CHCHD6: variants seen among roughly 807,000 people sequenced by gnomAD.
The protein encoded by CHCHD6 is coiled-coil-helix-coiled-coil-helix domain containing 6.
CHCHD6 carries 28 observed loss-of-function variants against 32.3 expected under a neutral mutation model. That is an observed-to-expected ratio of 0.87 (90% CI 0.64 to 1.19). The LOEUF (loss-of-function observed/expected upper bound fraction) is 1.19. CHCHD6 is among the 50% of genes most tolerant of loss of function. The pLI is 0.00. For synonymous variants in CHCHD6, 122 were observed against 117.5 expected, an observed-to-expected ratio of 1.04 and a Z score of -0.25; for missense variants, 333 against 307.0, an observed-to-expected ratio of 1.08 and a Z score of -0.63.
chr3:126,704,537 G>A, intron 1 of CHCHD6, 138 bp downstream of exon 1: 1 of 515,252 alleles, frequency 1.9e-6, no homozygotes, highest in Non-Finnish European at 3.2e-6. Flanking sequence ...CTCAGGCCAG[G>A]AAGAGGCTGA....
chr3:126,938,772 T>C (rs2078518611), intron 6 of CHCHD6, among the ~76,000 whole-genome samples: 1 of 143,116 alleles, frequency 7.0e-6, no homozygotes, highest in South Asian at 2.4e-4. Context: ...GAGGGGGCTG[T>C]GTGGCTCCCA....
In CHCHD6 at chr3:126,938,466, T is replaced by C. The variant is rs181509294; in HGVS notation, c.567-18950T>C. Among the ~76,000 whole-genome samples the C allele has an allele frequency of 2.0e-5, 3 of 152,362 alleles. No individual in the cohort carries two copies. In the East Asian group the frequency reaches 5.8e-4, roughly 29 times the overall value. ...CGCAGTAAGCAGAGTGCCTGGCATG[T>C]AATCAGGATTCGATAAATGGTAGCT... is the stretch of plus-strand genomic sequence containing the variant. On this transcript the variant is annotated intron_variant, in intron 6 of 7. Coordinates refer to ENST00000290913, the MANE Select transcript of CHCHD6 (RefSeq NM_032343.3).
At chr3:126,862,258 T>A (rs1226399534) in intron 5 of CHCHD6, among the ~76,000 whole-genome samples, 269 of 46,006 alleles carry the variant, frequency 5.8e-3, no homozygotes, top group Middle Eastern at 0.053. Context: ...CTCCTCCTCC[T>A]CCATCACCTC....
chr3:126,934,611 C>T (rs2078452724), intron 6 of CHCHD6, among the ~76,000 whole-genome samples: 1 of 125,488 alleles, frequency 8.0e-6, no homozygotes, highest in South Asian at 2.8e-4. Context: ...TGCAGTGGCA[C>T]AATCTCGGCT....
rs1421634165 is a variant in CHCHD6, at chr3:126,841,805, C to CTAGAG, written c.412-10839_412-10838insAGTAG. Reference sequence around the variant, plus strand: ...TGGCATGTGCCTGTGATCCCAGCTACTAGGAGGCTGAGGTGGGAAGATTGC... The same window carrying CTAGAG: ...TGGCATGTGCCTGTGATCCCAGCTACTAGAGTAGGAGGCTGAGGTGGGAAGATTGC... On this transcript the variant is annotated intron_variant, in intron 4 of 7. Transcript: ENST00000290913. Among the ~76,000 whole-genome samples the CTAGAG allele has an allele frequency of 9.2e-5, 14 of 151,980 alleles. 1 individual carries two copies. Among genetic ancestry groups the CTAGAG allele is most frequent in the Admixed American group, 9.2e-4 (14 of 15,254 alleles).
intron 6 of CHCHD6, among the ~76,000 whole-genome samples, chr3:126,924,686 G>C (rs759754649): frequency 6.6e-6 from 1 of 152,238 alleles, no homozygotes; most frequent in East Asian, 1.9e-4. Context: ...TCCTTTCCTC[G>C]TGAACTTGAG....
At chr3:126,796,414 G>A (rs897624365) in intron 4 of CHCHD6, among the ~76,000 whole-genome samples, 2 of 152,050 alleles carry the variant, frequency 1.3e-5, no homozygotes, top group Admixed American at 6.6e-5. Flanking sequence ...TTTTCCCCCC[G>A]GGATTGCCTG....
chr3:126,737,535 A>G (rs1174486226), intron 4 of CHCHD6, among the ~76,000 whole-genome samples: 2 of 151,988 alleles, frequency 1.3e-5, no homozygotes, highest in African/African-American at 4.8e-5. Flanking sequence ...TGTGTTTATT[A>G]GGAGAATTAA....
At chr3:126,787,787 T>C (rs1938298341) in intron 4 of CHCHD6, among the ~76,000 whole-genome samples, 1 of 152,204 alleles carries the variant, frequency 6.6e-6, no homozygotes, top group Non-Finnish European at 1.5e-5. Flanking sequence ...ACAGTTTGAC[T>C]TCCTCTTTTC....
At chr3:126,714,076 CAAAAAAA>C (rs1157910763) in intron 1 of CHCHD6, among the ~76,000 whole-genome samples, 24 of 28,880 alleles carry the variant, frequency 8.3e-4, no homozygotes, top group Admixed American at 3.1e-3. Flanking sequence ...GACTGCATCT[CAAAAAAA>C]AAAAAAAAAA....
At chr3:126,957,126 G>T in intron 6 of CHCHD6, 2 of 485,530 alleles carry the variant, frequency 4.1e-6, no homozygotes, top group Non-Finnish European at 7.5e-6. Flanking sequence ...TCTCCTGAGT[G>T]TACACAGGCC....
At chr3:126,828,973 T>G (rs1051144583) in intron 4 of CHCHD6, among the ~76,000 whole-genome samples, 15 of 152,232 alleles carry the variant, frequency 9.9e-5, no homozygotes, top group Non-Finnish European at 1.8e-4. Context: ...TTGATTTCAT[T>G]GATTTCCACT....
intron 4 of CHCHD6, among the ~76,000 whole-genome samples, chr3:126,847,746 C>A (rs910034941): frequency 6.6e-6 from 1 of 151,928 alleles, no homozygotes; most frequent in African/African-American, 2.4e-5. Context: ...CCCTCTCTCT[C>A]CTCTCCCCCT....
chr3:126,869,984 TC>T (rs1278621656), intron 5 of CHCHD6, among the ~76,000 whole-genome samples: 1 of 152,192 alleles, frequency 6.6e-6, no homozygotes, highest in Non-Finnish European at 1.5e-5. Context: ...TCCTGTTGTC[TC>T]CCCAGCTGGC....
chr3:126,733,201 G>C lies in CHCHD6; in HGVS notation c.390G>C (p.Glu130Asp). 10 of 1,614,092 alleles carry C rather than the reference G, an allele frequency of 6.2e-6. No homozygotes were observed. Among genetic ancestry groups the C allele is most frequent in the Non-Finnish European group, 8.5e-6 (10 of 1,179,986 alleles). The change falls in exon 4 of 8, where the codon GAG becomes GAC. Residue 130 changes from glutamate to aspartate, a missense_variant. By Grantham distance (45) the Glu-to-Asp change is conservative. Coordinates refer to ENST00000290913, the MANE Select transcript of CHCHD6 (RefSeq NM_032343.3). ...LPTGEGSISH[E>D]EQKSVRLARE... ...CGGGCGAAGGCAGCATCAGCCATGA[G>C]GAGCAGAAGTCAGTCCGGCTGGTGA... is the stretch of plus-strand genomic sequence containing the variant.
chr3:126,819,790 C>T (rs777424033), intron 4 of CHCHD6, among the ~76,000 whole-genome samples: 21 of 152,156 alleles, frequency 1.4e-4, no homozygotes, highest in Admixed American at 3.3e-4. Flanking sequence ...GTCACTGTGG[C>T]GTAGAGAACA....
At chr3:126,739,925 G>A (rs1936217033) in intron 4 of CHCHD6, among the ~76,000 whole-genome samples, 1 of 152,270 alleles carries the variant, frequency 6.6e-6, no homozygotes, top group South Asian at 2.1e-4. Context: ...TTTTTGATTG[G>A]TGCTGGTCAT....
intron 4 of CHCHD6, chr3:126,766,813 C>G (rs1937386615): frequency 1.0e-6 from 1 of 997,700 alleles, no homozygotes; most frequent in Non-Finnish European, 1.6e-6. Flanking sequence ...GGCAAAGGAG[C>G]AGGTGTAACC....
chr3:126,931,700 AC>A (rs2078408864), intron 6 of CHCHD6, among the ~76,000 whole-genome samples: 1 of 152,010 alleles, frequency 6.6e-6, no homozygotes, highest in Non-Finnish European at 1.5e-5. Context: ...CCACCTTGGG[AC>A]CTTTCTAAGC....
Sources: allele counts gnomAD v4.1 joint callset (sites outside exome capture counted in the v4.1 genomes callset), GRCh38; gene constraint gnomAD v4.1.1; transcripts MANE v1.5; gene names NCBI Gene and HGNC (gene_info 2026-07-23, HGNC 2026-07-21).